Variants in NXPE1 observed in about 807,000 individuals in gnomAD.
The protein encoded by NXPE1 is NXPE family member 1.
In NXPE1, 31 loss-of-function variants were observed where a neutral mutation model predicts 33.3. The ratio of observed to expected loss-of-function variants is 0.93; its 90% CI spans 0.70 to 1.26. The LOEUF (loss-of-function observed/expected upper bound fraction) is 1.26, where lower values mean the gene tolerates loss of function less well. Among genes scored for constraint, NXPE1 ranks in the 50% most tolerant of loss-of-function variants. NXPE1 has a pLI of 0.00. For synonymous variants in NXPE1, 229 were observed against 231.4 expected (o/e 0.99, Z 0.09); for missense variants, 661 against 655.6 (o/e 1.01, Z -0.09).
rs1469672572 is a variant in NXPE1, at chr11:114,523,200, A to T, written c.896-109T>A. The T allele has an allele frequency of 5.4e-6, 4 of 746,994 alleles. No homozygotes were observed. The East Asian group carries it at 1.0e-4, about 20-fold the overall frequency. The allele number at this position is 746,994 out of a possible 1,614,324, so 46.3% of individuals were successfully genotyped here. On this transcript the variant is annotated intron_variant, in intron 7 of 8. Transcript: ENST00000534921. Reference sequence around the variant, plus strand: ...CTCTTTCCCCCTTCCTGTAATGCCTATTTCCTTTTTCTGTCCCTTTCTAGT... The same window carrying T: ...CTCTTTCCCCCTTCCTGTAATGCCTTTTTCCTTTTTCTGTCCCTTTCTAGT...
At chr11:114,529,677 A>C (rs1223243904) in intron 6 of NXPE1, 1 of 159,194 alleles carries the variant, frequency 6.3e-6, no homozygotes, top group Non-Finnish European at 1.4e-5. Flanking sequence ...AACCAGTAGG[A>C]ATTGGCTTTT....
chr11:114,542,475 GTC>G (rs1280691440), intron 5 of NXPE1, among the ~76,000 whole-genome samples: 1 of 152,158 alleles, frequency 6.6e-6, no homozygotes, highest in Admixed American at 6.5e-5. Context: ...ACAGAAATAA[GTC>G]TAAATTATGC....
chr11:114,550,045 A>G (rs975395354), intron 5 of NXPE1, among the ~76,000 whole-genome samples: 3 of 152,156 alleles, frequency 2.0e-5, no homozygotes, highest in Non-Finnish European at 4.4e-5. Flanking sequence ...AAAACTCACA[A>G]AACACTACTG....
chr11:114,543,894 C>T (rs2135066453), intron 5 of NXPE1, among the ~76,000 whole-genome samples: 1 of 152,132 alleles, frequency 6.6e-6, no homozygotes, highest in South Asian at 2.1e-4. Context: ...GGTTTCAGGA[C>T]ACAAGTCAAT....
chr11:114,546,408 A>G (rs181710873), intron 5 of NXPE1, among the ~76,000 whole-genome samples: 26 of 152,286 alleles, frequency 1.7e-4, no homozygotes, highest in Non-Finnish European at 7.4e-5. Context: ...GATATTTTAC[A>G]TATAATTATA....
intron 5 of NXPE1, among the ~76,000 whole-genome samples, chr11:114,540,644 A>G (rs1212627279): frequency 2.0e-5 from 3 of 151,970 alleles, no homozygotes; most frequent in Admixed American, 6.6e-5. Flanking sequence ...TCAGATTGCA[A>G]TGTTCAACTC....
intron 6 of NXPE1, 80 bp from the exon 7 acceptor site, chr11:114,527,981 G>T: frequency 9.4e-7 from 1 of 1,062,822 alleles, no homozygotes; most frequent in South Asian, 1.6e-5. Context: ...TGTGAGTGAA[G>T]GAAAATTTTT....
At chr11:114,549,687 A>G (rs1041354963) in intron 5 of NXPE1, among the ~76,000 whole-genome samples, 7 of 152,236 alleles carry the variant, frequency 4.6e-5, no homozygotes, top group African/African-American at 1.4e-4. Context: ...AAGGATGCCT[A>G]CTATCTCATT....
intron 1 of NXPE1, among the ~76,000 whole-genome samples, chr11:114,558,236 G>A (rs1428559502): frequency 4.6e-5 from 7 of 152,046 alleles, no homozygotes; most frequent in African/African-American, 1.7e-4. Flanking sequence ...CCATATATAT[G>A]CACATTCTAT....
intron 8 of NXPE1, 137 bp from the exon 9 acceptor site, chr11:114,522,640 AC>A: frequency 1.3e-6 from 1 of 767,476 alleles, no homozygotes; most frequent in East Asian, 2.7e-5. Flanking sequence ...AGGGTACAGT[AC>A]CCCCAGTTCA....
exon 5 of NXPE1, chr11:114,551,155 G>C: frequency 6.5e-7 from 1 of 1,535,094 alleles, no homozygotes; most frequent in African/African-American, 1.4e-5. Context: ...TACTGAAAAA[G>C]AGATCAAGAT....
intron 1 of NXPE1, among the ~76,000 whole-genome samples, chr11:114,554,644 CAAT>C (rs200569496): frequency 0.013 from 1,956 of 152,142 alleles, 20 homozygotes; most frequent in Middle Eastern, 0.031. Flanking sequence ...AATTTCAAAG[CAAT>C]AATAATTATG....
chr11:114,557,642 T>C (rs1359649086), intron 1 of NXPE1, among the ~76,000 whole-genome samples: 3 of 25,394 alleles, frequency 1.2e-4, no homozygotes, highest in African/African-American at 6.0e-4. Context: ...TACATATATA[T>C]ATATATATAT....
intron 5 of NXPE1, among the ~76,000 whole-genome samples, chr11:114,534,065 C>T (rs866707857): frequency 9.9e-5 from 15 of 152,266 alleles, no homozygotes; most frequent in Non-Finnish European, 1.3e-4. Flanking sequence ...CTCACACTGC[C>T]GGGTACTCCT....
rs58210067 is a variant in NXPE1, at chr11:114,521,890, G to T, written c.*78C>A. 4.2e-4 allele frequency: 475 copies of T among 1,122,392 alleles called. 1 individual carries two copies. The African/African-American group carries it at 7.0e-3, about 16-fold the overall frequency. 69.5% of individuals were successfully genotyped at this position (1,122,392 alleles called of 1,614,324 possible). A position where few individuals can be genotyped will look rare whatever the true frequency, so the allele number is the denominator to read the frequency against. ...ATTTATTTTCCTTAGTTCCTAAAAT[G>T]AGTAAAACTTACTTTACAATACATG... On this transcript the variant is annotated 3_prime_UTR_variant, in exon 9 of 9. Transcript: ENST00000534921.
intron 5 of NXPE1, among the ~76,000 whole-genome samples, chr11:114,546,492 G>A (rs968790308): frequency 5.3e-5 from 8 of 150,746 alleles, no homozygotes; most frequent in African/African-American, 7.3e-5. Flanking sequence ...TTTAGAGATG[G>A]GGTTTTGCTA....
chr11:114,525,864 T>A (rs891023184), intron 7 of NXPE1, among the ~76,000 whole-genome samples: 15 of 152,184 alleles, frequency 9.9e-5, no homozygotes, highest in Non-Finnish European at 1.5e-4. Context: ...TGGAAGTTAA[T>A]CCACTGGGCA....
intron 5 of NXPE1, among the ~76,000 whole-genome samples, chr11:114,539,076 C>T (rs1271214495): frequency 1.3e-5 from 2 of 152,142 alleles, no homozygotes; most frequent in South Asian, 4.1e-4. Flanking sequence ...AAATGTGGCA[C>T]ATATACACAT....
intron 6 of NXPE1, 124 bp downstream of exon 6, chr11:114,530,051 C>T: frequency 2.0e-6 from 2 of 1,004,928 alleles, no homozygotes; most frequent in Non-Finnish European, 2.9e-6. Context: ...CAAGAAGACA[C>T]CACATGTCTT....
Sources: gnomAD v4.1 joint callset for allele counts (sites outside exome capture counted in the v4.1 genomes callset) on GRCh38, gnomAD v4.1.1 for gene constraint, MANE v1.5 for transcripts, NCBI Gene and HGNC (gene_info 2026-07-23, HGNC 2026-07-21) for gene names.